The following TOP6BL variants were observed in gnomAD, a reference collection of about 807,000 sequenced individuals.
TOP6BL encodes TOP6B like initiator of meiotic double strand breaks, also known as type 2 DNA topoisomerase 6 subunit B-like.
the TOP6BL span, among the ~76,000 whole-genome samples, chr11:66,780,845 G>A: frequency 6.6e-6 from 1 of 152,288 alleles, no homozygotes; most frequent in East Asian, 1.9e-4. Context: ...GCCTCCCAAA[G>A]TGCTGGGATT....
chr11:66,805,350 T>A, the TOP6BL span, among the ~76,000 whole-genome samples: 1 of 152,160 alleles, frequency 6.6e-6, no homozygotes, highest in African/African-American at 2.4e-5. Flanking sequence ...AACCAGTTCA[T>A]TATTAAGGTA....
chr11:66,806,261 G>A, the TOP6BL span, among the ~76,000 whole-genome samples: 1 of 152,144 alleles, frequency 6.6e-6, no homozygotes, highest in Non-Finnish European at 1.5e-5. Context: ...TACTTCCTCT[G>A]CTTTAAAATG....
the TOP6BL span, among the ~76,000 whole-genome samples, chr11:66,783,249 G>T: frequency 6.6e-6 from 1 of 152,316 alleles, no homozygotes; most frequent in Non-Finnish European, 1.5e-5. Flanking sequence ...TGTAGTTCTA[G>T]TGAGTTGGGA....
At chr11:66,772,466 A>G in the TOP6BL span, among the ~76,000 whole-genome samples, 1 of 150,698 alleles carries the variant, frequency 6.6e-6, no homozygotes, top group African/African-American at 2.4e-5. Context: ...GCAAGACCCT[A>G]TCTCAAAAAA....
At chr11:66,792,841 A>G in the TOP6BL span, among the ~76,000 whole-genome samples, 6 of 152,186 alleles carry the variant, frequency 3.9e-5, no homozygotes, top group African/African-American at 1.4e-4. Flanking sequence ...TACGCCCTAT[A>G]ATCACCAAGG....
At chr11:66,813,711 C>T in the TOP6BL span, 1,614 of 634,572 alleles carry the variant, frequency 2.5e-3, 30 homozygotes, top group East Asian at 0.039. Flanking sequence ...CCAGCCTGGG[C>T]GACAGAGCGA....
chr11:66,800,922 G>A, the TOP6BL span: 1 of 1,211,466 alleles, frequency 8.3e-7, no homozygotes, highest in Non-Finnish European at 1.2e-6. Context: ...ATTAGTTACT[G>A]AATTCTAGTA....
the TOP6BL span, among the ~76,000 whole-genome samples, chr11:66,769,449 A>G: frequency 7.3e-6 from 1 of 137,136 alleles, no homozygotes; most frequent in Admixed American, 7.3e-5. Context: ...AATTATACCT[A>G]AAAAAAAAAA....
At chr11:66,803,671 C>G in the TOP6BL span, among the ~76,000 whole-genome samples, 1 of 152,112 alleles carries the variant, frequency 6.6e-6, no homozygotes, top group Non-Finnish European at 1.5e-5. Flanking sequence ...GTGATCCACC[C>G]ACCTCAGCCT....
the TOP6BL span, among the ~76,000 whole-genome samples, chr11:66,752,550 C>G: frequency 6.6e-6 from 1 of 152,050 alleles, no homozygotes; most frequent in Non-Finnish European, 1.5e-5. Context: ...CTCCCGGGTT[C>G]AAGTGATTCT....
At chr11:66,745,004 G>C in the TOP6BL span, 2 of 1,209,818 alleles carry the variant, frequency 1.7e-6, no homozygotes, top group Non-Finnish European at 2.1e-6. Flanking sequence ...GGGCAGAGGG[G>C]TCGGGCGTCG....
the TOP6BL span, chr11:66,828,446 A>G: frequency 1.9e-6 from 2 of 1,046,062 alleles, no homozygotes; most frequent in South Asian, 1.4e-5. Context: ...GGTAGGTACA[A>G]GTGTTTCAGA....
chr11:66,838,234 C>A, the TOP6BL span: 1 of 689,160 alleles, frequency 1.5e-6, no homozygotes, highest in Non-Finnish European at 2.5e-6. Context: ...ATTCATGAGC[C>A]AGGAGGAAGA....
chr11:66,810,640 T>A, the TOP6BL span, among the ~76,000 whole-genome samples: 1 of 152,192 alleles, frequency 6.6e-6, no homozygotes, highest in Non-Finnish European at 1.5e-5. Flanking sequence ...GTATTTGTCT[T>A]GTGCTCAGTA....
the TOP6BL span, among the ~76,000 whole-genome samples, chr11:66,823,772 A>G: frequency 6.6e-6 from 1 of 152,062 alleles, no homozygotes. Flanking sequence ...AGCCAAGATC[A>G]CCCCACTGCA....
the TOP6BL span, among the ~76,000 whole-genome samples, chr11:66,840,776 A>G: frequency 6.6e-6 from 1 of 152,188 alleles, no homozygotes; most frequent in Admixed American, 6.5e-5. Flanking sequence ...CTGTAAGGCT[A>G]TGACTCGCCT....
At chr11:66,763,097 A>G in the TOP6BL span, among the ~76,000 whole-genome samples, 1 of 152,194 alleles carries the variant, frequency 6.6e-6, no homozygotes, top group African/African-American at 2.4e-5. Context: ...CCAGCTACTC[A>G]GGAGGCTGAG....
the TOP6BL span, among the ~76,000 whole-genome samples, chr11:66,788,480 A>G: frequency 3.3e-5 from 5 of 152,174 alleles, no homozygotes. Flanking sequence ...ATTGTGATTT[A>G]ATTGGTCTGG....
the TOP6BL span, among the ~76,000 whole-genome samples, chr11:66,838,952 CG>C: frequency 6.6e-6 from 1 of 152,148 alleles, no homozygotes; most frequent in Non-Finnish European, 1.5e-5. Context: ...AGGATGGTCT[CG>C]ATCTCCTGAC....
Sources: gnomAD v4.1 joint callset for allele counts (sites outside exome capture counted in the v4.1 genomes callset) on GRCh38, gnomAD v4.1.1 for gene constraint, MANE v1.5 for transcripts, NCBI Gene and HGNC (gene_info 2026-07-23, HGNC 2026-07-21) for gene names.